ASCC3: variants seen among roughly 807,000 people sequenced by gnomAD.
ASCC3 encodes activating signal cointegrator 1 complex subunit 3, also known as ASC-1 complex subunit P200.
A neutral mutation model predicts 256.3 loss-of-function variants in ASCC3; 158 were observed. The observed-to-expected ratio is 0.62, with a 90% confidence interval of 0.54 to 0.70. The LOEUF (loss-of-function observed/expected upper bound fraction) is 0.70. Ranked by LOEUF, ASCC3 falls within the 30% of genes least tolerant of loss-of-function variation. The probability of loss-of-function intolerance (pLI) is 0.00; values close to 1 mark genes in which losing one functional copy is unlikely to be tolerated. For missense variants in ASCC3, 2,259 were observed against 2,626.0 expected (o/e 0.86, Z 3.05); for synonymous variants, 948 against 883.4 (o/e 1.07, Z -1.30).
At chr6:100,856,000 G>A (rs574781482) in intron 3 of ASCC3, among the ~76,000 whole-genome samples, 2 of 152,284 alleles carry the variant, frequency 1.3e-5, no homozygotes, top group South Asian at 4.1e-4. Context: ...TTAGGAATCT[G>A]AAAAGCAAAT....
At chr6:100,539,432 A>G (rs551479080) in intron 37 of ASCC3, among the ~76,000 whole-genome samples, 1 of 152,342 alleles carries the variant, frequency 6.6e-6, no homozygotes, top group East Asian at 1.9e-4. Flanking sequence ...TTGTAAAAGA[A>G]GATATATAAA....
rs191871934 is a variant in ASCC3 at position 100,820,152 on chromosome 6, A to C, written c.802-14272T>G. Among the ~76,000 whole-genome samples, 1,225 of 152,320 alleles carry C rather than the reference A, an allele frequency of 8.0e-3. 10 individuals are homozygous for C. Among genetic ancestry groups the C allele is most frequent in the Non-Finnish European group, 0.012 (791 of 68,020 alleles). On this transcript the variant is annotated intron_variant, in intron 4 of 41. Coordinates refer to ENST00000369162, the MANE Select transcript of ASCC3 (RefSeq NM_006828.4). ...TCATAGAAATTAACAGGCTGATTCT[A>C]AAAATCAGATGGAATAGCAGAAAAC...
At chr6:100,749,504 T>C (rs1582805463) in intron 10 of ASCC3, among the ~76,000 whole-genome samples, 1 of 151,968 alleles carries the variant, frequency 6.6e-6, no homozygotes, top group Non-Finnish European at 1.5e-5. Context: ...ATACTGAAAA[T>C]AAAAGTCACT....
chr6:100,578,534 CT>C (rs1287050944), intron 36 of ASCC3, among the ~76,000 whole-genome samples: 5 of 151,980 alleles, frequency 3.3e-5, no homozygotes, highest in Non-Finnish European at 7.4e-5. Flanking sequence ...TTTTCTATCC[CT>C]GTGTTTCACG....
chr6:100,790,145 A>G (rs1769285503), intron 8 of ASCC3, among the ~76,000 whole-genome samples: 1 of 152,028 alleles, frequency 6.6e-6, no homozygotes. Flanking sequence ...TTCTTGAGCT[A>G]AGAATTTACC....
intron 13 of ASCC3, among the ~76,000 whole-genome samples, chr6:100,705,957 C>T (rs1778560317): frequency 6.6e-6 from 1 of 151,856 alleles, no homozygotes; most frequent in South Asian, 2.1e-4. Context: ...TAACAATGCA[C>T]TAATATGTAG....
At chr6:100,677,148 G>A (rs1777066298) in intron 14 of ASCC3, among the ~76,000 whole-genome samples, 2 of 152,044 alleles carry the variant, frequency 1.3e-5, no homozygotes, top group African/African-American at 4.8e-5. Flanking sequence ...GGCACTTCAA[G>A]AAATATGAAG....
chr6:100,804,569 A>T (rs917898583), intron 5 of ASCC3, among the ~76,000 whole-genome samples: 2 of 152,120 alleles, frequency 1.3e-5, no homozygotes, highest in Non-Finnish European at 2.9e-5. Context: ...TCAACAAGCA[A>T]AAAACAAATA....
rs534824994 is a variant in ASCC3 at position 100,747,767 on chromosome 6, A to G, written c.1737+18798T>C. ...GGGATGAATTATTTTGATTGTGATG[A>G]TGGTTCCATAGGTATACACATGTCA... On this transcript the variant is annotated intron_variant, in intron 10 of 41. Coordinates refer to ENST00000369162, the MANE Select transcript of ASCC3 (RefSeq NM_006828.4). Among the ~76,000 whole-genome samples the G allele has an allele frequency of 1.4e-4, 22 of 152,172 alleles. No individual in the cohort carries two copies. The East Asian group carries it at 4.2e-3, about 29-fold the overall frequency.
rs1048874056 is a variant in ASCC3 at position 100,817,755 on chromosome 6, C to A, written c.802-11875G>T. Among the ~76,000 whole-genome samples, 42 of 151,938 alleles carry A rather than the reference C, an allele frequency of 2.8e-4. 1 individual carries two copies. Among genetic ancestry groups the A allele is most frequent in the Admixed American group, 2.8e-3 (42 of 15,272 alleles). On this transcript the variant is annotated intron_variant, in intron 4 of 41. Transcript: ENST00000369162. ...ATAGATAATCTGAACAGACCTATAA[C>A]AAGTAAAAGATTGAATTAGTAATCA...
At chr6:100,607,520 GA>G (rs1164782156) in intron 30 of ASCC3, among the ~76,000 whole-genome samples, 1 of 151,830 alleles carries the variant, frequency 6.6e-6, no homozygotes, top group Non-Finnish European at 1.5e-5. Flanking sequence ...CAGACAGAAA[GA>G]AATTGTTCCA....
intron 36 of ASCC3, among the ~76,000 whole-genome samples, chr6:100,574,902 T>C (rs751624312): frequency 1.3e-5 from 2 of 152,130 alleles, no homozygotes; most frequent in Non-Finnish European, 2.9e-5. Flanking sequence ...TAAGAAATAA[T>C]GGACAACATG....
Position 100,599,697 on chromosome 6 carries a change from T to C in ASCC3, c.5303+2113A>G, listed in dbSNP as rs756246151. Among the ~76,000 whole-genome samples, 36 of 151,848 alleles carry C rather than the reference T, an allele frequency of 2.4e-4. 1 individual carries two copies. The highest frequency in any genetic ancestry group is 8.3e-4 in the South Asian group (4 of 4,810). ...AAAAAATTTAAAAAGGAGATACATA[T>C]ACAAAGGGCAACGTATCTGTGGATT... On this transcript the variant is annotated intron_variant, in intron 34 of 41. Coordinates refer to ENST00000369162, the MANE Select transcript of ASCC3 (RefSeq NM_006828.4).
At chr6:100,867,872 A>T (rs1773552523) in intron 2 of ASCC3, 36 bp downstream of exon 2, 2 of 1,487,378 alleles carry the variant, frequency 1.3e-6, no homozygotes, top group East Asian at 4.5e-5. Context: ...CTGTGTTTAT[A>T]ATAATGTTCA....
intron 14 of ASCC3, among the ~76,000 whole-genome samples, chr6:100,671,705 T>G (rs1776755003): frequency 6.6e-6 from 1 of 152,068 alleles, no homozygotes; most frequent in Non-Finnish European, 1.5e-5. Flanking sequence ...AGTGAAAGCA[T>G]GCAGAACTTC....
chr6:100,607,525 T>C (rs1044106781), intron 30 of ASCC3, among the ~76,000 whole-genome samples: 1 of 152,134 alleles, frequency 6.6e-6, no homozygotes, highest in East Asian at 1.9e-4. Flanking sequence ...AGAAAGAAAT[T>C]GTTCCAATTT....
chr6:100,587,201 C>T (rs1771745123), intron 36 of ASCC3, among the ~76,000 whole-genome samples: 1 of 151,950 alleles, frequency 6.6e-6, no homozygotes, highest in Non-Finnish European at 1.5e-5. Flanking sequence ...ACTACACTTT[C>T]TCCTTAGTTT....
intron 17 of ASCC3, among the ~76,000 whole-genome samples, chr6:100,654,721 G>A (rs1451317945): frequency 1.3e-5 from 2 of 151,982 alleles, no homozygotes; most frequent in Admixed American, 6.6e-5. Context: ...CCCATCTAGA[G>A]TAAATCTAAG....
At chr6:100,644,854 G>C (rs1235296781) in intron 22 of ASCC3, among the ~76,000 whole-genome samples, 1 of 152,164 alleles carries the variant, frequency 6.6e-6, no homozygotes. Context: ...TGTTTCCCAT[G>C]CTCTGTTTAA....
Sources: allele counts gnomAD v4.1 joint callset (sites outside exome capture counted in the v4.1 genomes callset), GRCh38; gene constraint gnomAD v4.1.1; transcripts MANE v1.5; gene names NCBI Gene and HGNC (gene_info 2026-07-23, HGNC 2026-07-21).